The following SESN2 variants were observed in gnomAD, a reference collection of about 807,000 sequenced individuals.
SESN2 encodes the protein sestrin 2.
A neutral mutation model predicts 56.0 loss-of-function variants in SESN2; 42 were observed. That is an observed-to-expected ratio of 0.75 (90% CI 0.59 to 0.97). SESN2 has a LOEUF of 0.97. Among genes scored for constraint, SESN2 ranks in the 50% least tolerant of loss-of-function variants. The pLI is 0.00. For synonymous variants in SESN2, 264 were observed against 267.1 expected (o/e 0.99, Z 0.11); for missense variants, 507 against 649.4 (o/e 0.78, Z 2.38).
chr1:28,260,045 C>A, intron 1 of SESN2, 108 bp downstream of exon 1: 1 of 809,832 alleles, frequency 1.2e-6, no homozygotes, highest in Non-Finnish European at 1.8e-6. Flanking sequence ...GGAGGGAAAG[C>A]CGAGCGCGTA....
intron 9 of SESN2, among the ~76,000 whole-genome samples, chr1:28,279,858 C>T (rs576715513): frequency 1.3e-5 from 2 of 148,858 alleles, no homozygotes; most frequent in East Asian, 4.0e-4. Flanking sequence ...AGCTTTTTAT[C>T]CTGTTTTTTT....
rs1466308546 is a variant in SESN2, at chr1:28,274,894, G to T, written c.1090G>T (p.Asp364Tyr). ...TTACCCTGAGGGTGGGCAGCTGCTG[G>T]ATGAGAAGTTCCAGGCAGCCTATAG... ...RLYPEGGQLL[D>Y]EKFQAAYSLT... Residue 364 changes from aspartate to tyrosine, a missense_variant, in exon 8 of 10, where the codon GAT (aspartate) becomes TAT (tyrosine). Asp to Tyr is a radical substitution (Grantham distance 160). Transcript: ENST00000253063. 25 of 1,614,210 alleles carry T rather than the reference G, an allele frequency of 1.5e-5. No homozygotes were observed. Among genetic ancestry groups the T allele is most frequent in the Non-Finnish European group, 2.0e-5 (24 of 1,180,028 alleles).
intron 6 of SESN2, among the ~76,000 whole-genome samples, chr1:28,273,750 T>C (rs577192608): frequency 3.3e-4 from 50 of 152,018 alleles, no homozygotes; most frequent in Non-Finnish European, 5.3e-4. Context: ...GTAGGGTTAG[T>C]GGGGCAGTAG....
Position 28,274,058 on chromosome 1 carries a change from C to G in SESN2, c.920C>G (p.Ser307Cys), listed in dbSNP as rs758415728. Reference sequence around the variant, plus strand: ...TCCTCAGCTGACATCCTGGAGCCCTCTCCACACCCAGACATGCTGTGCTTT... The same window carrying G: ...TCCTCAGCTGACATCCTGGAGCCCTGTCCACACCCAGACATGCTGTGCTTT... The part of the protein sequence containing the change: ...VTPSADILEP[S>C]PHPDMLCFVE... The change falls in exon 7 of 10, where the codon TCT becomes TGT. Residue 307 changes from serine (S) to cysteine (C), a missense_variant. Ser to Cys is a moderately radical substitution (Grantham distance 112). Transcript: ENST00000253063. The G allele has an allele frequency of 1.2e-6, 2 of 1,613,786 alleles. No homozygotes were observed. The highest frequency in any genetic ancestry group is 1.7e-5 in the Admixed American group (1 of 60,026).
chr1:28,268,706 A>G (rs1647644828), intron 1 of SESN2, among the ~76,000 whole-genome samples: 1 of 151,668 alleles, frequency 6.6e-6, no homozygotes, highest in African/African-American at 2.4e-5. Flanking sequence ...GAAGGAAGGA[A>G]GGAAGGAAGA....
chr1:28,279,553 GT>G (rs796173244), intron 9 of SESN2, among the ~76,000 whole-genome samples: 34 of 145,864 alleles, frequency 2.3e-4, no homozygotes, highest in South Asian at 2.2e-4. Context: ...GAGTTTTTTT[GT>G]TTTTTTTTTT....
In SESN2 at chr1:28,269,169, A is replaced by G. The variant is rs373891248; in HGVS notation, c.91-14A>G. 7 of 1,606,344 alleles carry G rather than the reference A, an allele frequency of 4.4e-6. No individual in the cohort carries two copies. Among genetic ancestry groups the G allele is most frequent in the Non-Finnish European group, 6.0e-6 (7 of 1,174,104 alleles). On this transcript the variant is annotated splice_polypyrimidine_tract_variant and intron_variant, in intron 1 of 9. Coordinates refer to ENST00000253063, the MANE Select transcript of SESN2 (RefSeq NM_031459.5). ...CCCTTCTACTACGGACTAACCTCAT[A>G]TGTTTCCTCCCAGGAGCAGAGGGAG...
rs1425392282 is a variant in SESN2 at position 28,281,358 on chromosome 1, C to T, written c.*556C>T. On this transcript the variant is annotated 3_prime_UTR_variant, in exon 10 of 10. Coordinates refer to ENST00000253063, the MANE Select transcript of SESN2 (RefSeq NM_031459.5). Reference sequence around the variant, plus strand: ...TGTTGGGCAGCCTGAGGCTGTTGCCCGAATCCTAGTTCAGTTTTTTGACTT... The same window carrying T: ...TGTTGGGCAGCCTGAGGCTGTTGCCTGAATCCTAGTTCAGTTTTTTGACTT... The T allele has an allele frequency of 2.0e-5, 3 of 152,380 alleles. No homozygotes were observed. The highest frequency in any genetic ancestry group is 4.8e-5 in the African/African-American group (2 of 41,524). The allele number at this position is 152,380 out of a possible 1,614,324, so 9.4% of individuals were successfully genotyped here.
intron 6 of SESN2, 119 bp downstream of exon 6, chr1:28,273,627 TTC>T: frequency 9.8e-7 from 1 of 1,016,948 alleles, no homozygotes; most frequent in Non-Finnish European, 1.4e-6. Context: ...GTCCAAGAGG[TTC>T]TGAGCATGGG....
intron 2 of SESN2, among the ~76,000 whole-genome samples, chr1:28,270,418 A>G (rs1647722765): frequency 6.6e-6 from 1 of 150,780 alleles, no homozygotes; most frequent in Non-Finnish European, 1.5e-5. Flanking sequence ...GTGGTTAAGG[A>G]GCTAACAAAC....
chr1:28,260,723 A>T (rs946604777), intron 1 of SESN2, among the ~76,000 whole-genome samples: 1 of 116,744 alleles, frequency 8.6e-6, no homozygotes, highest in African/African-American at 3.3e-5. Flanking sequence ...CCGCATTCGC[A>T]TCCCGGCATA....
At chr1:28,268,392 G>A (rs569856519) in intron 1 of SESN2, among the ~76,000 whole-genome samples, 3 of 152,220 alleles carry the variant, frequency 2.0e-5, no homozygotes, top group African/African-American at 2.4e-5. Flanking sequence ...GAGGCCAGGC[G>A]TGGTGGCTCA....
intron 5 of SESN2, 98 bp downstream of exon 5, chr1:28,272,891 C>T: frequency 3.0e-6 from 2 of 670,590 alleles, no homozygotes; most frequent in Non-Finnish European, 5.2e-6. Flanking sequence ...TCTGCACTAC[C>T]TGCTGCTATG....
intron 2 of SESN2, among the ~76,000 whole-genome samples, chr1:28,270,506 T>C (rs1647730120): frequency 6.6e-6 from 1 of 152,230 alleles, no homozygotes; most frequent in South Asian, 2.1e-4. Flanking sequence ...CGATTATTTA[T>C]GTCTGTGACC....
At chr1:28,276,874 C>T (rs1332735129) in intron 8 of SESN2, among the ~76,000 whole-genome samples, 1 of 142,578 alleles carries the variant, frequency 7.0e-6, no homozygotes, top group Admixed American at 6.9e-5. Flanking sequence ...ACACTGCGCC[C>T]AGCCTTTTTT....
intron 1 of SESN2, among the ~76,000 whole-genome samples, chr1:28,260,713 C>T (rs554053661): frequency 6.6e-6 from 1 of 152,076 alleles, no homozygotes; most frequent in Non-Finnish European, 1.5e-5. Context: ...CTCCACCCCC[C>T]CGCATTCGCA....
chr1:28,270,847 A>G (rs190878040), intron 2 of SESN2, among the ~76,000 whole-genome samples: 44 of 152,106 alleles, frequency 2.9e-4, no homozygotes, highest in African/African-American at 9.9e-4. Flanking sequence ...GGGATTACAG[A>G]TGTGAGCCAC....
intron 4 of SESN2, 46 bp from the exon 5 acceptor site, chr1:28,272,535 A>G (rs749788920): frequency 6.2e-7 from 1 of 1,609,304 alleles, no homozygotes; most frequent in South Asian, 1.1e-5. Context: ...TGGGTAACCC[A>G]GGGCAGGCAC....
intron 2 of SESN2, among the ~76,000 whole-genome samples, chr1:28,271,213 G>A (rs773693832): frequency 6.6e-6 from 1 of 152,166 alleles, no homozygotes; most frequent in African/African-American, 2.4e-5. Flanking sequence ...GGAGAAAACT[G>A]TAAGCTCAGG....
Sources: allele counts gnomAD v4.1 joint callset (sites outside exome capture counted in the v4.1 genomes callset), GRCh38; gene constraint gnomAD v4.1.1; transcripts MANE v1.5; gene names NCBI Gene and HGNC (gene_info 2026-07-23, HGNC 2026-07-21).